Variants in TGFBR1 observed in about 807,000 individuals in gnomAD.
TGFBR1 encodes the protein transforming growth factor beta receptor 1, also known as TGF-beta receptor type-1.
A neutral mutation model predicts 55.1 loss-of-function variants in TGFBR1; 20 were observed. The ratio of observed to expected loss-of-function variants is 0.36; its 90% CI spans 0.26 to 0.53. The LOEUF (loss-of-function observed/expected upper bound fraction) is 0.53. Ranked by LOEUF, TGFBR1 falls within the 20% of genes least tolerant of loss-of-function variation. The probability of loss-of-function intolerance (pLI) is 0.91; values close to 1 mark genes in which losing one functional copy is unlikely to be tolerated. For missense variants in TGFBR1, 385 were observed against 617.6 expected (o/e 0.62, Z 3.99); for synonymous variants, 220 against 214.8 (o/e 1.02, Z -0.21).
chr9:99,143,064 A>C (rs970013345), intron 5 of TGFBR1, among the ~76,000 whole-genome samples: 2 of 152,188 alleles, frequency 1.3e-5, no homozygotes, highest in African/African-American at 2.4e-5. Flanking sequence ...GTCTCAGAAA[A>C]AAAAACAAAA....
intron 1 of TGFBR1, among the ~76,000 whole-genome samples, chr9:99,111,653 C>G (rs1826585501): frequency 6.6e-6 from 1 of 151,954 alleles, no homozygotes; most frequent in Non-Finnish European, 1.5e-5. Context: ...AACAAAAAAA[C>G]AGCAACAAAC....
In TGFBR1 at chr9:99,144,485, G is replaced by GC. The variant is rs1181142314; in HGVS notation, c.974-243dup. ...CAGATAAACTGATAACTTTTTTTTT[G>GC]CCCCAGTCTTTGAGTTGTTCATCTT... On this transcript the variant is annotated intron_variant, in intron 5 of 8. Coordinates refer to ENST00000374994, the MANE Select transcript of TGFBR1 (RefSeq NM_004612.4). Among the ~76,000 whole-genome samples, 3 of 151,192 alleles carry GC rather than the reference G, an allele frequency of 2.0e-5. No homozygotes were observed. The East Asian group carries it at 5.8e-4, about 29-fold the overall frequency.
chr9:99,153,472 TAA>T lies in TGFBR1; in HGVS notation c.*4169_*4170del, dbSNP rs1828028868. 1 of 204,788 alleles carries T rather than the reference TAA, an allele frequency of 4.9e-6. No homozygotes were observed. The highest frequency in any genetic ancestry group is 1.0e-5 in the Non-Finnish European group (1 of 99,726). 12.7% of individuals were successfully genotyped at this position (204,788 alleles called of 1,614,324 possible). A position where few individuals can be genotyped will look rare whatever the true frequency, so the allele number is the denominator to read the frequency against. ...AAGTCGAATGATACTGAGAAGCCTGTAAAGAGGAGAAAAAAACATAAGCTGTG... is the reference window on the plus strand; with the variant it reads ...AAGTCGAATGATACTGAGAAGCCTGTAGAGGAGAAAAAAACATAAGCTGTG... On this transcript the variant is annotated 3_prime_UTR_variant, in exon 9 of 9. Coordinates refer to ENST00000374994, the MANE Select transcript of TGFBR1 (RefSeq NM_004612.4).
In TGFBR1 at chr9:99,154,190, A is replaced by C; in HGVS notation, c.*4885A>C. ...AGTGAAATTAAAGACATTCCCAGAC[A>C]AATACTAAGACAATTTGTTGCCTAT... On this transcript the variant is annotated 3_prime_UTR_variant, in exon 9 of 9. Transcript: ENST00000374994. The C allele has an allele frequency of 4.6e-6, 1 of 217,750 alleles. No homozygotes were observed. The highest frequency in any genetic ancestry group is 9.2e-6 in the Non-Finnish European group (1 of 108,142). The allele number at this position is 217,750 out of a possible 1,614,324, so 13.5% of individuals were successfully genotyped here. A position where few individuals can be genotyped will look rare whatever the true frequency, so the allele number is the denominator to read the frequency against.
chr9:99,134,167 A>T (rs1827348041), intron 3 of TGFBR1, among the ~76,000 whole-genome samples: 1 of 152,194 alleles, frequency 6.6e-6, no homozygotes, highest in Non-Finnish European at 1.5e-5. Context: ...TAAGGAAATG[A>T]ATATATATTG....
chr9:99,147,507 T>C (rs1827833898), intron 7 of TGFBR1, 147 bp from the exon 8 acceptor site: 1 of 735,608 alleles, frequency 1.4e-6, no homozygotes, highest in African/African-American at 1.8e-5. Context: ...GATACAGATG[T>C]GGATGAGATA....
chr9:99,115,093 T>C (rs1826698202), intron 1 of TGFBR1, among the ~76,000 whole-genome samples: 2 of 152,192 alleles, frequency 1.3e-5, no homozygotes, highest in Non-Finnish European at 1.5e-5. Flanking sequence ...CTCTCTGTTC[T>C]TGAGCAGAAG....
At chr9:99,142,812 A>C (rs1827661552) in intron 5 of TGFBR1, 109 bp downstream of exon 5, 3 of 1,284,088 alleles carry the variant, frequency 2.3e-6, no homozygotes, top group Non-Finnish European at 3.3e-6. Flanking sequence ...TAATCCCAGC[A>C]CTTTGGGAGG....
intron 1 of TGFBR1, among the ~76,000 whole-genome samples, chr9:99,126,148 G>C (rs1454920262): frequency 6.6e-6 from 1 of 152,160 alleles, no homozygotes; most frequent in Non-Finnish European, 1.5e-5. Flanking sequence ...ACTAGACAGA[G>C]AGATGGTATA....
intron 1 of TGFBR1, among the ~76,000 whole-genome samples, chr9:99,125,092 G>A (rs1827002142): frequency 6.6e-6 from 1 of 152,190 alleles, no homozygotes; most frequent in South Asian, 2.1e-4. Context: ...GAAAAAAATA[G>A]CTTTAGGTCT....
intron 1 of TGFBR1, among the ~76,000 whole-genome samples, chr9:99,114,005 G>T (rs1007408494): frequency 6.6e-6 from 1 of 152,116 alleles, no homozygotes; most frequent in African/African-American, 2.4e-5. Flanking sequence ...GTACTTTTGG[G>T]CATAATCCAA....
chr9:99,128,675 T>A (rs1827115127), intron 1 of TGFBR1, 180 bp from the exon 2 acceptor site: 1 of 831,534 alleles, frequency 1.2e-6, no homozygotes, highest in East Asian at 2.8e-5. Context: ...TGTATGTGGT[T>A]CTTAATATAA....
At chr9:99,110,978 A>G (rs186081484) in intron 1 of TGFBR1, among the ~76,000 whole-genome samples, 1 of 152,232 alleles carries the variant, frequency 6.6e-6, no homozygotes, top group Non-Finnish European at 1.5e-5. Flanking sequence ...TCAGCAGGAA[A>G]GTTTCCTTTC....
intron 1 of TGFBR1, among the ~76,000 whole-genome samples, chr9:99,122,534 A>G (rs1234646402): frequency 1.3e-5 from 2 of 152,068 alleles, no homozygotes; most frequent in Non-Finnish European, 2.9e-5. Flanking sequence ...TTACCCCGAG[A>G]GTTGTTACCC....
Position 99,123,710 on chromosome 9 carries a change from T to C in TGFBR1, c.98-5145T>C, listed in dbSNP as rs1311570050. On this transcript the variant is annotated intron_variant, in intron 1 of 8. Coordinates refer to ENST00000374994, the MANE Select transcript of TGFBR1 (RefSeq NM_004612.4). Reference sequence around the variant, plus strand: ...TTCTACATTAATAAAATGACAGAACTGAATTGCCTAGATGATATTCAAAGT... The same window carrying C: ...TTCTACATTAATAAAATGACAGAACCGAATTGCCTAGATGATATTCAAAGT... Among the ~76,000 whole-genome samples the C allele has an allele frequency of 2.0e-5, 3 of 152,196 alleles. No homozygotes were observed. The East Asian group carries it at 5.8e-4, about 29-fold the overall frequency.
chr9:99,125,791 G>A (rs1025793538), intron 1 of TGFBR1, among the ~76,000 whole-genome samples: 1 of 152,156 alleles, frequency 6.6e-6, no homozygotes, highest in African/African-American at 2.4e-5. Flanking sequence ...GTGAAAATAT[G>A]TTCTCAAACC....
chr9:99,135,438 C>T (rs956582021), intron 3 of TGFBR1, among the ~76,000 whole-genome samples: 6 of 152,190 alleles, frequency 3.9e-5, no homozygotes, highest in African/African-American at 9.7e-5. Flanking sequence ...AAGCATTTCA[C>T]ATTCTGAATT....
rs200985953 is a variant in TGFBR1, at chr9:99,151,826, C to T, written c.*2521C>T. ...AGGTGGGATGGATCATGATTACTGT[C>T]GATAACTGCAGATAAATTTGATTAG... On this transcript the variant is annotated 3_prime_UTR_variant, in exon 9 of 9. Transcript: ENST00000374994. 8.9e-5 allele frequency: 19 copies of T among 213,864 alleles called. No individual in the cohort carries two copies. In the South Asian group the frequency reaches 9.3e-4, roughly 10 times the overall value. The allele number at this position is 213,864 out of a possible 1,614,324, so 13.2% of individuals were successfully genotyped here. A position where few individuals can be genotyped will look rare whatever the true frequency, so the allele number is the denominator to read the frequency against.
At chr9:99,104,584 C>T (rs550311054), upstream of TGFBR1, among the ~76,000 whole-genome samples, 19 of 152,044 alleles carry the variant, frequency 1.2e-4, no homozygotes, top group South Asian at 3.9e-3. Flanking sequence ...GATGCGTGGA[C>T]TTGGAGAGGG....
Sources: gnomAD v4.1 joint callset for allele counts (sites outside exome capture counted in the v4.1 genomes callset) on GRCh38, gnomAD v4.1.1 for gene constraint, MANE v1.5 for transcripts, NCBI Gene and HGNC (gene_info 2026-07-23, HGNC 2026-07-21) for gene names.